RIT2: variants seen among roughly 807,000 people sequenced by gnomAD.
The protein encoded by RIT2 is Ras like without CAAX 2.
In RIT2, 24 loss-of-function variants were observed where a neutral mutation model predicts 23.7. The ratio of observed to expected loss-of-function variants is 1.01; its 90% CI spans 0.73 to 1.43. The LOEUF (loss-of-function observed/expected upper bound fraction) is 1.43. RIT2 is among the 40% of genes most tolerant of loss of function. The pLI is 0.00. For missense variants in RIT2, 236 were observed against 266.9 expected, an observed-to-expected ratio of 0.88 and a Z score of 0.81; for synonymous variants, 107 against 91.1, an observed-to-expected ratio of 1.17 and a Z score of -0.99.
chr18:42,861,686 G>A (rs1001496599), intron 4 of RIT2, among the ~76,000 whole-genome samples: 31 of 152,118 alleles, frequency 2.0e-4, no homozygotes, highest in African/African-American at 7.5e-4. Context: ...TTGGGTTGGG[G>A]TCACCCATTT....
At chr18:43,050,589 G>A (rs943893526) in intron 1 of RIT2, among the ~76,000 whole-genome samples, 1 of 152,036 alleles carries the variant, frequency 6.6e-6, no homozygotes, top group South Asian at 2.1e-4. Context: ...AATGTTGGAT[G>A]TATTGGGCCT....
At chr18:42,900,544 G>T (rs906660085) in intron 4 of RIT2, among the ~76,000 whole-genome samples, 1 of 151,812 alleles carries the variant, frequency 6.6e-6, no homozygotes, top group Non-Finnish European at 1.5e-5. Flanking sequence ...TTAGTCAAAG[G>T]GTTTCTTTTG....
At chr18:42,972,372 TAGAA>T (rs1251759649) in intron 3 of RIT2, among the ~76,000 whole-genome samples, 1 of 151,960 alleles carries the variant, frequency 6.6e-6, no homozygotes, top group East Asian at 1.9e-4. Context: ...CTCATAAATA[TAGAA>T]AGAGATGACC....
intron 1 of RIT2, among the ~76,000 whole-genome samples, chr18:43,063,500 GTCATTTAT>G (rs1204706317): frequency 4.6e-5 from 7 of 152,112 alleles, no homozygotes; most frequent in Admixed American, 4.6e-4. Context: ...TTTAACAAAA[GTCATTTAT>G]TTTACTCCCC....
chr18:42,924,020 G>C (rs1339466802), intron 3 of RIT2, among the ~76,000 whole-genome samples: 1 of 151,548 alleles, frequency 6.6e-6, no homozygotes, highest in Non-Finnish European at 1.5e-5. Context: ...GAATCTAAAT[G>C]TTTATACTCT....
intron 4 of RIT2, among the ~76,000 whole-genome samples, chr18:42,826,356 C>T (rs546078924): frequency 1.3e-5 from 2 of 152,146 alleles, no homozygotes; most frequent in South Asian, 4.1e-4. Flanking sequence ...TTTATCTCAA[C>T]ATGATAATGT....
intron 3 of RIT2, among the ~76,000 whole-genome samples, chr18:42,963,771 C>CAAA (rs2144189654): frequency 1.3e-5 from 2 of 151,986 alleles, no homozygotes; most frequent in Non-Finnish European, 2.9e-5. Flanking sequence ...TGGCAGGCAC[C>CAAA]CATAATCCCA....
At chr18:42,747,736 T>G (rs1912951757) in intron 4 of RIT2, among the ~76,000 whole-genome samples, 1 of 151,856 alleles carries the variant, frequency 6.6e-6, no homozygotes, top group Admixed American at 6.6e-5. Flanking sequence ...TAAAGCCAAA[T>G]ACTAACAGCC....
chr18:42,752,055 C>T (rs1378216585), intron 4 of RIT2, among the ~76,000 whole-genome samples: 1 of 151,838 alleles, frequency 6.6e-6, no homozygotes, highest in Non-Finnish European at 1.5e-5. Context: ...GAATTTGAGT[C>T]CAAACATGTC....
intron 1 of RIT2, among the ~76,000 whole-genome samples, chr18:43,041,803 T>G (rs1912134770): frequency 6.6e-6 from 1 of 152,116 alleles, no homozygotes. Context: ...TCATCAAATT[T>G]ACTTCTCTGA....
chr18:42,931,696 GT>G (rs1909329760), intron 3 of RIT2, among the ~76,000 whole-genome samples: 1 of 152,020 alleles, frequency 6.6e-6, no homozygotes, highest in Non-Finnish European at 1.5e-5. Flanking sequence ...ACTGGGAGCT[GT>G]TTTCCTGCCG....
intron 4 of RIT2, among the ~76,000 whole-genome samples, chr18:42,918,317 A>C (rs933016365): frequency 2.6e-5 from 4 of 152,160 alleles, no homozygotes; most frequent in Non-Finnish European, 4.4e-5. Flanking sequence ...TGAAACTCTT[A>C]AGCTTTGTTT....
chr18:42,887,558 G>A (rs552642342), intron 4 of RIT2, among the ~76,000 whole-genome samples: 4 of 152,158 alleles, frequency 2.6e-5, no homozygotes, highest in Admixed American at 6.5e-5. Context: ...GTGGAAGAGG[G>A]GGGAGGATGC....
chr18:42,940,236 C>CTATATATATATATATATATATA (rs5824460), intron 3 of RIT2, among the ~76,000 whole-genome samples: 8 of 86,964 alleles, frequency 9.2e-5, no homozygotes, highest in African/African-American at 1.8e-4. Flanking sequence ...GAAAGGCTCA[C>CTATATATATATATATATATATA]TATATATATA....
chr18:42,988,193 G>C (rs996086197), intron 2 of RIT2, among the ~76,000 whole-genome samples: 1 of 151,888 alleles, frequency 6.6e-6, no homozygotes, highest in Non-Finnish European at 1.5e-5. Flanking sequence ...TGAGAGAATC[G>C]AGACAGAAAA....
intron 1 of RIT2, among the ~76,000 whole-genome samples, chr18:43,073,771 C>T (rs1217330385): frequency 1.3e-5 from 2 of 152,104 alleles, no homozygotes; most frequent in African/African-American, 4.8e-5. Context: ...ACCTGGTTTC[C>T]ACTAACCATA....
chr18:42,809,445 C>A (rs1905776488), intron 4 of RIT2, among the ~76,000 whole-genome samples: 1 of 151,922 alleles, frequency 6.6e-6, no homozygotes, highest in South Asian at 2.1e-4. Context: ...CAAAGCTACC[C>A]TGAATATTTG....
At chr18:43,033,696 G>T in intron 2 of RIT2, 115 bp downstream of exon 2, 1 of 743,756 alleles carries the variant, frequency 1.3e-6, no homozygotes, top group Non-Finnish European at 2.3e-6. Context: ...GTGTGTATGT[G>T]TTCTGGGTCA....
intron 4 of RIT2, among the ~76,000 whole-genome samples, chr18:42,778,126 G>A (rs893441712): frequency 6.9e-6 from 1 of 145,892 alleles, no homozygotes; most frequent in Non-Finnish European, 1.5e-5. Flanking sequence ...CAAAGGCACA[G>A]AGTAGGACTG....
Sources: gnomAD v4.1 joint callset for allele counts (sites outside exome capture counted in the v4.1 genomes callset) on GRCh38, gnomAD v4.1.1 for gene constraint, MANE v1.5 for transcripts, NCBI Gene and HGNC (gene_info 2026-07-23, HGNC 2026-07-21) for gene names.